Variants in C12orf42 observed in about 807,000 individuals in gnomAD.
C12orf42 encodes the protein uncharacterized protein C12orf42.
C12orf42 carries 25 observed loss-of-function variants against 21.6 expected under a neutral mutation model. That is an observed-to-expected ratio of 1.16 (90% CI 0.84 to 1.62). C12orf42 has a LOEUF of 1.62. Ranked by LOEUF, C12orf42 falls within the 40% of genes most tolerant of loss-of-function variation. The pLI, the probability that C12orf42 is intolerant of heterozygous loss-of-function variation, is 0.00. For synonymous variants in C12orf42, 174 were observed against 175.0 expected (o/e 0.99, Z 0.05); for missense variants, 483 against 459.3 (o/e 1.05, Z -0.47).
chr12:103,229,679 G>A, the C12orf42 span, among the ~76,000 whole-genome samples: 1 of 152,166 alleles, frequency 6.6e-6, no homozygotes, highest in Admixed American at 6.5e-5. Context: ...ACTCCCAGAG[G>A]GAATGACTAT....
At chr12:103,341,129 A>AAAAAAG (rs2042132039) in intron 4 of C12orf42, among the ~76,000 whole-genome samples, 2 of 150,462 alleles carry the variant, frequency 1.3e-5, no homozygotes, top group African/African-American at 4.9e-5. Flanking sequence ...AAAAAAAAAA[A>AAAAAAG]AAAAAAGACA....
At chr12:103,075,659 A>T in the C12orf42 span, among the ~76,000 whole-genome samples, 3 of 152,160 alleles carry the variant, frequency 2.0e-5, no homozygotes, top group East Asian at 3.8e-4. Flanking sequence ...AAGTCTTTAA[A>T]CCAGCTATTT....
chr12:103,552,430 T>C, the C12orf42 span, among the ~76,000 whole-genome samples: 4 of 152,334 alleles, frequency 2.6e-5, no homozygotes, highest in Admixed American at 1.3e-4. Flanking sequence ...TTTTCATCAA[T>C]ACTGACTTTA....
At chr12:103,109,815 C>T in the C12orf42 span, among the ~76,000 whole-genome samples, 1 of 151,836 alleles carries the variant, frequency 6.6e-6, no homozygotes, top group Admixed American at 6.6e-5. Context: ...GCATCCAAAA[C>T]ATATAAATAA....
the C12orf42 span, chr12:103,505,660 G>A: frequency 4.2e-6 from 1 of 237,246 alleles, no homozygotes; most frequent in Non-Finnish European, 8.1e-6. Flanking sequence ...CCCCTGGGGG[G>A]CATATACCAG....
intron 5 of C12orf42, among the ~76,000 whole-genome samples, chr12:103,276,048 G>A (rs546610484): frequency 2.0e-4 from 30 of 152,220 alleles, no homozygotes; most frequent in Middle Eastern, 3.4e-3. Flanking sequence ...ACTCCAGCCT[G>A]GGTGACAGGG....
chr12:103,386,624 G>A (rs973987916), intron 3 of C12orf42, among the ~76,000 whole-genome samples: 1 of 152,158 alleles, frequency 6.6e-6, no homozygotes, highest in Non-Finnish European at 1.5e-5. Flanking sequence ...AAAAGATTAT[G>A]CTACAGAGAG....
chr12:103,252,727 T>C (rs977797940), intron 10 of C12orf42, among the ~76,000 whole-genome samples: 3 of 152,200 alleles, frequency 2.0e-5, no homozygotes, highest in African/African-American at 7.2e-5. Context: ...GCAAAAATTT[T>C]CTCCCATTCT....
intron 5 of C12orf42, among the ~76,000 whole-genome samples, chr12:103,272,494 A>G (rs11111512): frequency 0.094 from 14,329 of 152,132 alleles, 745 homozygotes; most frequent in East Asian, 0.15. Context: ...TGAGTACATA[A>G]CCATTATGTT....
chr12:103,097,195 G>A, the C12orf42 span, among the ~76,000 whole-genome samples: 3 of 152,254 alleles, frequency 2.0e-5, no homozygotes, highest in East Asian at 5.8e-4. Context: ...GTTTACAAAA[G>A]AAAGCAATTA....
At chr12:103,246,565 T>A (rs2034019479) in intron 10 of C12orf42, among the ~76,000 whole-genome samples, 1 of 152,046 alleles carries the variant, frequency 6.6e-6, no homozygotes, top group African/African-American at 2.4e-5. Context: ...GCCGACAGTG[T>A]GGATATAACC....
chr12:103,506,484 C>G, the C12orf42 span, among the ~76,000 whole-genome samples: 2 of 151,876 alleles, frequency 1.3e-5, no homozygotes, highest in African/African-American at 4.8e-5. Flanking sequence ...CATAATTTTA[C>G]TGTACGTTTT....
chr12:103,171,659 A>G, the C12orf42 span, among the ~76,000 whole-genome samples: 1 of 152,090 alleles, frequency 6.6e-6, no homozygotes, highest in East Asian at 1.9e-4. Context: ...GGCATTAGAG[A>G]GACAGTGGTA....
chr12:103,202,216 G>A, the C12orf42 span, among the ~76,000 whole-genome samples: 1 of 152,186 alleles, frequency 6.6e-6, no homozygotes, highest in Non-Finnish European at 1.5e-5. Context: ...GACGAGTAAA[G>A]GTGGATCTGT....
At chr12:103,474,897 G>A (rs767050195) in intron 2 of C12orf42, among the ~76,000 whole-genome samples, 25 of 152,138 alleles carry the variant, frequency 1.6e-4, no homozygotes, top group Non-Finnish European at 3.4e-4. Flanking sequence ...CAAATATTGG[G>A]AATTAGCAGT....
chr12:103,169,191 A>AATAC, the C12orf42 span, among the ~76,000 whole-genome samples: 27 of 150,740 alleles, frequency 1.8e-4, 1 homozygote, highest in Non-Finnish European at 2.1e-4. Flanking sequence ...TAAATAAATA[A>AATAC]ATAAATAAAA....
chr12:103,285,319 A>C, intron 4 of C12orf42, among the ~76,000 whole-genome samples: 1 of 152,228 alleles, frequency 6.6e-6, no homozygotes, highest in African/African-American at 2.4e-5. Flanking sequence ...AAAGCAATTC[A>C]TATATCACTA....
downstream of C12orf42, chr12:103,268,221 G>A (rs1464303405): frequency 1.3e-5 from 2 of 149,280 alleles, no homozygotes; most frequent in Non-Finnish European, 3.0e-5. Context: ...TTATTGTTTT[G>A]TATAACAATT....
the C12orf42 span, among the ~76,000 whole-genome samples, chr12:103,067,693 C>T: frequency 6.6e-6 from 1 of 152,140 alleles, no homozygotes; most frequent in Non-Finnish European, 1.5e-5. Flanking sequence ...TTTAGCTGGC[C>T]TAGAGGTCTT....
Sources: allele counts gnomAD v4.1 joint callset (sites outside exome capture counted in the v4.1 genomes callset), GRCh38; gene constraint gnomAD v4.1.1; transcripts MANE v1.5; gene names NCBI Gene and HGNC (gene_info 2026-07-23, HGNC 2026-07-21).